The following COX7B2 variants were observed in gnomAD, a reference collection of about 807,000 sequenced individuals.
COX7B2 encodes cytochrome c oxidase subunit 7B2.
For synonymous variants in COX7B2, 37 were observed against 32.1 expected, an observed-to-expected ratio of 1.15 and a Z score of -0.51; for missense variants, 109 against 95.9, an observed-to-expected ratio of 1.14 and a Z score of -0.57.
intron 1 of COX7B2, among the ~76,000 whole-genome samples, chr4:46,889,568 C>T (rs756550389): frequency 1.1e-4 from 17 of 152,036 alleles, no homozygotes; most frequent in Non-Finnish European, 1.3e-4. Flanking sequence ...CAAATATTAG[C>T]CACAGAGAGG....
chr4:46,826,752 AAGT>A (rs1461618862), intron 2 of COX7B2, among the ~76,000 whole-genome samples: 1 of 152,134 alleles, frequency 6.6e-6, no homozygotes, highest in East Asian at 1.9e-4. Flanking sequence ...TAGCAATCTA[AAGT>A]AGGAACAGAA....
intron 1 of COX7B2, among the ~76,000 whole-genome samples, chr4:46,886,605 G>C (rs141050527): frequency 6.6e-6 from 1 of 152,188 alleles, no homozygotes; most frequent in East Asian, 1.9e-4. Flanking sequence ...AATGTAATTT[G>C]TTCAGAAGAA....
chr4:46,874,829 C>A (rs1718224756), intron 1 of COX7B2, among the ~76,000 whole-genome samples: 1 of 152,122 alleles, frequency 6.6e-6, no homozygotes, highest in Admixed American at 6.6e-5. Context: ...TGCAAATCTA[C>A]CCTTATTGTT....
chr4:46,886,034 G>A (rs998820587), intron 1 of COX7B2, among the ~76,000 whole-genome samples: 7 of 152,036 alleles, frequency 4.6e-5, no homozygotes, highest in African/African-American at 7.2e-5. Context: ...AAAAGAGAAG[G>A]GTGAAAAGTA....
chr4:46,750,671 A>C (rs1239963234), intron 2 of COX7B2, among the ~76,000 whole-genome samples: 3 of 152,100 alleles, frequency 2.0e-5, no homozygotes, highest in Admixed American at 6.6e-5. Flanking sequence ...AAAATACTAG[A>C]GCCTGCATGG....
intron 2 of COX7B2, among the ~76,000 whole-genome samples, chr4:46,738,633 G>T (rs1714514369): frequency 6.6e-6 from 1 of 151,996 alleles, no homozygotes; most frequent in Non-Finnish European, 1.5e-5. Flanking sequence ...AATAAATTTT[G>T]TGTTATCAGT....
intron 2 of COX7B2, among the ~76,000 whole-genome samples, chr4:46,835,904 A>C (rs1017628280): frequency 1.3e-5 from 2 of 152,234 alleles, no homozygotes; most frequent in Admixed American, 6.5e-5. Flanking sequence ...ACAGCAAGTT[A>C]CTTTGCAGAA....
At chr4:46,767,964 G>T (rs776814743) in intron 2 of COX7B2, among the ~76,000 whole-genome samples, 3 of 152,204 alleles carry the variant, frequency 2.0e-5, no homozygotes, top group Non-Finnish European at 4.4e-5. Context: ...CATGTGCAAG[G>T]GCTGGGGCGA....
At chr4:46,804,970 G>A (rs543249985) in intron 2 of COX7B2, among the ~76,000 whole-genome samples, 4 of 152,298 alleles carry the variant, frequency 2.6e-5, no homozygotes, top group Non-Finnish European at 4.4e-5. Flanking sequence ...TGCGGGTCCC[G>A]AGCCCTGCCG....
chr4:46,804,273 A>C (rs1450641818), intron 2 of COX7B2, among the ~76,000 whole-genome samples: 1 of 152,096 alleles, frequency 6.6e-6, no homozygotes, highest in African/African-American at 2.4e-5. Flanking sequence ...GACTTACCGC[A>C]AAGAGCGAAA....
chr4:46,740,929 CAG>C (rs1312858561), intron 2 of COX7B2, among the ~76,000 whole-genome samples: 1 of 152,024 alleles, frequency 6.6e-6, no homozygotes, highest in East Asian at 1.9e-4. Context: ...CCTTGGGAAT[CAG>C]AGTTTGGGTG....
chr4:46,879,723 C>CAAA (rs200373474), intron 1 of COX7B2, among the ~76,000 whole-genome samples: 1 of 139,110 alleles, frequency 7.2e-6, no homozygotes. Context: ...ACGAAGACCT[C>CAAA]AAAAAAAAAA....
chr4:46,836,472 C>A (rs994012136), intron 2 of COX7B2, among the ~76,000 whole-genome samples: 1 of 151,490 alleles, frequency 6.6e-6, no homozygotes, highest in South Asian at 2.1e-4. Flanking sequence ...ACATCTTGTC[C>A]CACTGGAAGA....
At chr4:46,888,621 T>C (rs969674735) in intron 1 of COX7B2, among the ~76,000 whole-genome samples, 1 of 151,938 alleles carries the variant, frequency 6.6e-6, no homozygotes, top group African/African-American at 2.4e-5. Context: ...TTTTTTTGTA[T>C]TTTTTTACTA....
intron 1 of COX7B2, among the ~76,000 whole-genome samples, chr4:46,876,440 A>G (rs893838053): frequency 7.7e-6 from 1 of 130,364 alleles, no homozygotes; most frequent in Non-Finnish European, 1.6e-5. Context: ...GAGTCTCGCT[A>G]TGTCGCCCAG....
At chr4:46,834,239 T>C (rs1050278693) in intron 2 of COX7B2, among the ~76,000 whole-genome samples, 10 of 152,152 alleles carry the variant, frequency 6.6e-5, no homozygotes, top group African/African-American at 2.4e-4. Flanking sequence ...AAGTTTTGTC[T>C]TCTTCTGGAG....
chr4:46,808,336 T>C (rs992489622), intron 2 of COX7B2, among the ~76,000 whole-genome samples: 6 of 151,774 alleles, frequency 4.0e-5, no homozygotes, highest in Admixed American at 1.3e-4. Context: ...GGGTTTTCAG[T>C]TGTGTATATA....
chr4:46,870,587 T>C (rs1210507660), intron 1 of COX7B2, among the ~76,000 whole-genome samples: 1 of 152,124 alleles, frequency 6.6e-6, no homozygotes, highest in Non-Finnish European at 1.5e-5. Flanking sequence ...GAAAACCTCA[T>C]AGTCTCAGCC....
chr4:46,765,334 G>A (rs1477168194), intron 2 of COX7B2, among the ~76,000 whole-genome samples: 1 of 152,134 alleles, frequency 6.6e-6, no homozygotes, highest in African/African-American at 2.4e-5. Context: ...CGTAAGGAGA[G>A]TGAAGTGAGT....
Sources: gnomAD v4.1 joint callset for allele counts (sites outside exome capture counted in the v4.1 genomes callset) on GRCh38, gnomAD v4.1.1 for gene constraint, MANE v1.5 for transcripts, NCBI Gene and HGNC (gene_info 2026-07-23, HGNC 2026-07-21) for gene names.